Variants in RALGAPA2 observed in about 807,000 individuals in gnomAD.
RALGAPA2 encodes the protein ral GTPase-activating protein subunit alpha-2.
In RALGAPA2, 139 loss-of-function variants were observed where a neutral mutation model predicts 230.4. That is an observed-to-expected ratio of 0.60 (90% CI 0.53 to 0.69). The LOEUF (loss-of-function observed/expected upper bound fraction) is 0.69. Among genes scored for constraint, RALGAPA2 ranks in the 30% least tolerant of loss-of-function variants. RALGAPA2 has a pLI of 0.00. For missense variants in RALGAPA2, 2,163 were observed against 2,276.0 expected (o/e 0.95, Z 1.01); for synonymous variants, 847 against 837.8 (o/e 1.01, Z -0.19).
At chr20:20,460,595 C>T (rs1474801227) in intron 37 of RALGAPA2, among the ~76,000 whole-genome samples, 2 of 152,132 alleles carry the variant, frequency 1.3e-5, no homozygotes. Context: ...TTACACGGCC[C>T]AACATGAGAC....
intron 36 of RALGAPA2, among the ~76,000 whole-genome samples, chr20:20,487,046 A>G (rs1200760059): frequency 1.3e-5 from 2 of 152,216 alleles, no homozygotes; most frequent in Non-Finnish European, 2.9e-5. Flanking sequence ...TGATTATTCT[A>G]AAATCTCTGC....
intron 37 of RALGAPA2, among the ~76,000 whole-genome samples, chr20:20,448,834 T>C (rs1047063261): frequency 6.7e-6 from 1 of 148,708 alleles, no homozygotes; most frequent in Non-Finnish European, 1.5e-5. Flanking sequence ...ATTTACTTAC[T>C]CAAAAAGCGA....
chr20:20,455,762 A>G (rs2061101189), intron 37 of RALGAPA2, among the ~76,000 whole-genome samples: 1 of 152,250 alleles, frequency 6.6e-6, no homozygotes, highest in Non-Finnish European at 1.5e-5. Context: ...CATTAAAAAA[A>G]TTGGTCCAAA....
chr20:20,543,657 A>G (rs979958834), intron 24 of RALGAPA2, among the ~76,000 whole-genome samples: 12 of 152,100 alleles, frequency 7.9e-5, no homozygotes, highest in African/African-American at 2.9e-4. Context: ...GCATGTTCTC[A>G]CTCATAGGTG....
intron 23 of RALGAPA2, among the ~76,000 whole-genome samples, chr20:20,566,504 G>A (rs951714667): frequency 2.6e-5 from 4 of 151,844 alleles, no homozygotes; most frequent in African/African-American, 9.7e-5. Flanking sequence ...TGTATATGGA[G>A]AAAGAAAAAA....
chr20:20,640,187 T>C (rs898966337), intron 6 of RALGAPA2, among the ~76,000 whole-genome samples: 1 of 152,122 alleles, frequency 6.6e-6, no homozygotes, highest in Non-Finnish European at 1.5e-5. Context: ...CAGTAATAAA[T>C]CAATGGTCCT....
intron 36 of RALGAPA2, among the ~76,000 whole-genome samples, chr20:20,482,973 T>C (rs1376055851): frequency 6.6e-6 from 1 of 152,222 alleles, no homozygotes; most frequent in African/African-American, 2.4e-5. Flanking sequence ...CATCATGTCC[T>C]GGTCATCCAA....
intron 1 of RALGAPA2, among the ~76,000 whole-genome samples, chr20:20,688,686 T>C (rs1225353886): frequency 1.3e-5 from 2 of 152,114 alleles, no homozygotes; most frequent in African/African-American, 2.4e-5. Context: ...GAGTGTCAGG[T>C]CTCCATTCAG....
At chr20:20,660,333 C>A (rs748916949) in intron 3 of RALGAPA2, among the ~76,000 whole-genome samples, 1 of 151,950 alleles carries the variant, frequency 6.6e-6, no homozygotes, top group Non-Finnish European at 1.5e-5. Flanking sequence ...GTATTTATAT[C>A]GTGATGTTTA....
intron 7 of RALGAPA2, among the ~76,000 whole-genome samples, chr20:20,637,756 A>G (rs1568684827): frequency 6.6e-6 from 1 of 152,264 alleles, no homozygotes; most frequent in Non-Finnish European, 1.5e-5. Context: ...CGTATCTTTT[A>G]TAACGTGCTG....
intron 1 of RALGAPA2, among the ~76,000 whole-genome samples, chr20:20,710,800 T>C (rs886745539): frequency 6.6e-6 from 1 of 152,236 alleles, no homozygotes; most frequent in African/African-American, 2.4e-5. Flanking sequence ...CAACTTAATC[T>C]TGCAGACCTG....
At chr20:20,690,925 C>T (rs1050916061) in intron 1 of RALGAPA2, among the ~76,000 whole-genome samples, 3 of 152,140 alleles carry the variant, frequency 2.0e-5, no homozygotes, top group Non-Finnish European at 2.9e-5. Flanking sequence ...CCCGAAGATT[C>T]CAGGGCCCGA....
chr20:20,663,157 T>C (rs1478372884), intron 3 of RALGAPA2, among the ~76,000 whole-genome samples: 1 of 152,114 alleles, frequency 6.6e-6, no homozygotes, highest in East Asian at 1.9e-4. Context: ...AAAAGACTGC[T>C]TAGCAGGATA....
intron 39 of RALGAPA2, among the ~76,000 whole-genome samples, chr20:20,393,915 G>A (rs537038753): frequency 2.2e-4 from 33 of 152,314 alleles, no homozygotes; most frequent in Non-Finnish European, 3.2e-4. Context: ...CCACTGTTGC[G>A]GGTGGAGCTG....
intron 1 of RALGAPA2, among the ~76,000 whole-genome samples, chr20:20,689,706 T>C (rs1384020496): frequency 6.6e-6 from 1 of 152,156 alleles, no homozygotes; most frequent in Non-Finnish European, 1.5e-5. Flanking sequence ...TCAATTAAAG[T>C]GAGGAAAATT....
At chr20:20,612,665 C>T (rs967081395) in intron 13 of RALGAPA2, among the ~76,000 whole-genome samples, 4 of 152,072 alleles carry the variant, frequency 2.6e-5, no homozygotes, top group Admixed American at 1.3e-4. Flanking sequence ...TCCCTGCCTA[C>T]GGATTCTGGA....
chr20:20,426,695 G>T (rs943714534), intron 37 of RALGAPA2, among the ~76,000 whole-genome samples: 4 of 152,134 alleles, frequency 2.6e-5, no homozygotes, highest in Non-Finnish European at 4.4e-5. Context: ...CACAGCATAC[G>T]GGATGCCCTT....
In RALGAPA2 at chr20:20,629,576, A is replaced by G. The variant is rs746623924; in HGVS notation, c.1020T>C (p.Gly340=). 6.2e-7 allele frequency: 1 copy of G among 1,613,266 alleles called. No individual in the cohort carries two copies. Among genetic ancestry groups the G allele is most frequent in the Non-Finnish European group, 8.5e-7 (1 of 1,179,850 alleles). ...LPKIIQTVGG[G]AVQERAPELD... ...GCTCAGGCGCTCTCTCCTGCACAGC[A>G]CCACCACCAACAGTCTGGAAGAAAG... Residue 340 remains glycine, a synonymous_variant, in exon 10 of 40, where the codon GGT becomes GGC. Transcript: ENST00000202677.
intron 36 of RALGAPA2, among the ~76,000 whole-genome samples, chr20:20,484,551 A>C (rs2061859140): frequency 6.6e-6 from 1 of 152,172 alleles, no homozygotes; most frequent in Non-Finnish European, 1.5e-5. Flanking sequence ...ATAGTAAGAA[A>C]GTCCTCTTAG....
Sources: allele counts gnomAD v4.1 joint callset (sites outside exome capture counted in the v4.1 genomes callset), GRCh38; gene constraint gnomAD v4.1.1; transcripts MANE v1.5; gene names NCBI Gene and HGNC (gene_info 2026-07-23, HGNC 2026-07-21).